NDUFA8: variants seen among roughly 807,000 people sequenced by gnomAD.
The protein encoded by NDUFA8 is NADH dehydrogenase [ubiquinone] 1 alpha subcomplex subunit 8.
NDUFA8 carries 16 observed loss-of-function variants against 20.9 expected under a neutral mutation model. That is an observed-to-expected ratio of 0.77 (90% CI 0.52 to 1.16). The LOEUF is 1.16. Ranked by LOEUF, NDUFA8 falls within the 50% of genes most tolerant of loss-of-function variation. The probability of loss-of-function intolerance (pLI) is 0.00; values close to 1 mark genes in which losing one functional copy is unlikely to be tolerated. For synonymous variants in NDUFA8, 70 were observed against 76.1 expected, an observed-to-expected ratio of 0.92 and a Z score of 0.41; for missense variants, 202 against 216.4, an observed-to-expected ratio of 0.93 and a Z score of 0.42.
chr9:122,146,694 C>A (rs73551339), intron 3 of NDUFA8, among the ~76,000 whole-genome samples: 9,649 of 152,242 alleles, frequency 0.063, 1,024 homozygotes, highest in African/African-American at 0.22. Context: ...CTCAGGATCT[C>A]AAGACCAGAC....
chr9:122,148,387 G>T, intron 2 of NDUFA8, 110 bp from the exon 3 acceptor site: 2 of 1,212,470 alleles, frequency 1.6e-6, no homozygotes, highest in Non-Finnish European at 1.2e-6. Context: ...TTTTTGAAAG[G>T]TATGTGAGTA....
chr9:122,134,265 T>C, the NDUFA8 span, among the ~76,000 whole-genome samples: 1 of 152,208 alleles, frequency 6.6e-6, no homozygotes, highest in African/African-American at 2.4e-5. Flanking sequence ...GCATGTGTTA[T>C]CTCCGTATGG....
chr9:122,158,756 GTATA>G (rs796250845), intron 1 of NDUFA8, among the ~76,000 whole-genome samples: 15 of 143,004 alleles, frequency 1.0e-4, no homozygotes, highest in Admixed American at 4.9e-4. Context: ...TATATATATG[GTATA>G]TATATATACA....
rs753330677 is a variant in NDUFA8 at position 122,148,239 on chromosome 9, T to C, written c.254A>G (p.Tyr85Cys). 34 of 1,614,062 alleles carry C rather than the reference T, an allele frequency of 2.1e-5. No homozygotes were observed. The highest frequency in any genetic ancestry group is 2.8e-5 in the Non-Finnish European group (33 of 1,180,020). ...GCCAGTATAATCAATGCAAGTCCAA[T>C]ATTCTGTAAAAGGCTCTGCACAGTG... is the stretch of plus-strand genomic sequence containing the variant. ...KRHCAEPFTE[Y>C]WTCIDYTGQQ... is the part of the protein sequence containing the mutation. The change falls in exon 3 of 4, where the codon TAT (tyrosine) becomes TGT (cysteine). Residue 85 changes from tyrosine (Y) to cysteine (C), a missense_variant. Transcript: ENST00000373768.
the NDUFA8 span, among the ~76,000 whole-genome samples, chr9:122,133,329 T>A: frequency 6.6e-6 from 1 of 152,188 alleles, no homozygotes; most frequent in Non-Finnish European, 1.5e-5. Context: ...TGGCACTGCT[T>A]CCTCCTTATC....
chr9:122,143,742 G>C (rs1828853989), downstream of NDUFA8, among the ~76,000 whole-genome samples: 1 of 152,238 alleles, frequency 6.6e-6, no homozygotes, highest in Non-Finnish European at 1.5e-5. Flanking sequence ...CCTCAAAGAA[G>C]TTTCTGCACT....
intron 1 of NDUFA8, among the ~76,000 whole-genome samples, chr9:122,155,808 A>G (rs1420940135): frequency 2.0e-5 from 3 of 152,230 alleles, no homozygotes; most frequent in African/African-American, 7.2e-5. Flanking sequence ...TCAAAGGCCC[A>G]AAACTATACG....
chr9:122,135,406 A>T, the NDUFA8 span, among the ~76,000 whole-genome samples: 1 of 152,232 alleles, frequency 6.6e-6, no homozygotes, highest in Non-Finnish European at 1.5e-5. Context: ...GAGTCACCAG[A>T]CAGAGTGGCT....
chr9:122,146,632 G>A (rs900169659), intron 3 of NDUFA8, among the ~76,000 whole-genome samples: 4 of 152,180 alleles, frequency 2.6e-5, no homozygotes, highest in Non-Finnish European at 2.9e-5. Context: ...ACCGGGTATG[G>A]TGACCTGTAA....
At chr9:122,148,636 A>C (rs1204843384) in intron 2 of NDUFA8, among the ~76,000 whole-genome samples, 1 of 152,100 alleles carries the variant, frequency 6.6e-6, no homozygotes, top group Non-Finnish European at 1.5e-5. Context: ...GAAGAGGAGG[A>C]GGCATAATTA....
chr9:122,144,475 CT>C (rs1828872733), intron 3 of NDUFA8, 97 bp from the exon 4 acceptor site: 2 of 1,084,522 alleles, frequency 1.8e-6, no homozygotes, highest in Admixed American at 3.4e-5. Context: ...ATTGCTCCCG[CT>C]GCTACAACTG....
At chr9:122,158,871 A>G (rs965617531) in intron 1 of NDUFA8, among the ~76,000 whole-genome samples, 1 of 151,832 alleles carries the variant, frequency 6.6e-6, no homozygotes, top group African/African-American at 2.4e-5. Flanking sequence ...TAATGCATGG[A>G]AAGTAATTAG....
chr9:122,144,409 T>C (rs773100499), intron 3 of NDUFA8, 31 bp from the exon 4 acceptor site: 1 of 1,602,822 alleles, frequency 6.2e-7, no homozygotes, highest in Non-Finnish European at 8.5e-7. Context: ...AAAAGCAAAG[T>C]TGAAAGCTAG....
intron 1 of NDUFA8, among the ~76,000 whole-genome samples, chr9:122,159,407 A>T (rs1829140661): frequency 6.6e-6 from 1 of 152,050 alleles, no homozygotes; most frequent in Non-Finnish European, 1.5e-5. Context: ...CGAAAGGGGG[A>T]GGATTCTAGA....
intron 1 of NDUFA8, among the ~76,000 whole-genome samples, chr9:122,159,175 A>G (rs925010465): frequency 6.6e-6 from 1 of 151,692 alleles, no homozygotes; most frequent in Non-Finnish European, 1.5e-5. Context: ...ATATTGTCTC[A>G]TTTTCCCGCG....
At chr9:122,137,745 T>C in the NDUFA8 span, among the ~76,000 whole-genome samples, 1 of 152,218 alleles carries the variant, frequency 6.6e-6, no homozygotes, top group African/African-American at 2.4e-5. Flanking sequence ...CCCAGCAAGC[T>C]GGCTAATAGA....
chr9:122,148,394 A>G (rs1828939627), intron 2 of NDUFA8, 117 bp from the exon 3 acceptor site: 1 of 1,166,236 alleles, frequency 8.6e-7, no homozygotes, highest in Non-Finnish European at 1.3e-6. Flanking sequence ...AAGGTATGTG[A>G]GTACATATTC....
At chr9:122,159,483 C>A in intron 1 of NDUFA8, 144 bp downstream of exon 1, 1 of 971,906 alleles carries the variant, frequency 1.0e-6, no homozygotes, top group Non-Finnish European at 1.7e-6. Context: ...CGGAGGGGAC[C>A]TCCGGGGGTC....
intron 2 of NDUFA8, 121 bp from the exon 3 acceptor site, chr9:122,148,398 C>A: frequency 1.8e-6 from 2 of 1,110,046 alleles, no homozygotes; most frequent in Non-Finnish European, 2.7e-6. Flanking sequence ...TATGTGAGTA[C>A]ATATTCTTAT....
Sources: allele counts gnomAD v4.1 joint callset (sites outside exome capture counted in the v4.1 genomes callset), GRCh38; gene constraint gnomAD v4.1.1; transcripts MANE v1.5; gene names NCBI Gene and HGNC (gene_info 2026-07-23, HGNC 2026-07-21).